GREM2: variants seen among roughly 807,000 people sequenced by gnomAD.
GREM2 encodes gremlin 2, DAN family BMP antagonist, also known as gremlin-2.
A neutral mutation model predicts 14.2 loss-of-function variants in GREM2; 11 were observed. The ratio of observed to expected loss-of-function variants is 0.78; its 90% CI spans 0.49 to 1.28. The LOEUF is 1.28. Ranked by LOEUF, GREM2 falls within the 50% of genes most tolerant of loss-of-function variation. GREM2 has a pLI of 0.00. For missense variants in GREM2, 210 were observed against 218.5 expected, an observed-to-expected ratio of 0.96 and a Z score of 0.24; for synonymous variants, 98 against 97.6, an observed-to-expected ratio of 1.00 and a Z score of -0.02.
intron 1 of GREM2, among the ~76,000 whole-genome samples, chr1:240,505,181 A>G (rs1171177510): frequency 3.3e-5 from 5 of 152,142 alleles, no homozygotes; most frequent in Non-Finnish European, 7.3e-5. Context: ...AACTTCCGCC[A>G]TGACTGTAAG....
At chr1:240,547,532 T>TATATATATATAGACAG (rs1187770486) in intron 1 of GREM2, among the ~76,000 whole-genome samples, 2 of 121,874 alleles carry the variant, frequency 1.6e-5, no homozygotes, top group African/African-American at 3.7e-5. Flanking sequence ...TATATATATA[T>TATATATATATAGACAG]ATAGATAGAT....
chr1:240,496,099 G>A (rs1046062129), intron 1 of GREM2, among the ~76,000 whole-genome samples: 9 of 152,014 alleles, frequency 5.9e-5, no homozygotes, highest in African/African-American at 1.9e-4. Flanking sequence ...ACCAGGCCCA[G>A]CTAATTTTTG....
intron 1 of GREM2, among the ~76,000 whole-genome samples, chr1:240,502,225 C>G (rs999292436): frequency 2.0e-5 from 3 of 152,126 alleles, no homozygotes; most frequent in Admixed American, 2.0e-4. Context: ...CCATGCAACC[C>G]ACCAACTTTT....
chr1:240,528,645 G>A (rs977214469), intron 1 of GREM2, among the ~76,000 whole-genome samples: 19 of 152,098 alleles, frequency 1.2e-4, no homozygotes, highest in Non-Finnish European at 2.1e-4. Context: ...ACTGTGCTCG[G>A]TGAGTGGCTG....
intron 1 of GREM2, among the ~76,000 whole-genome samples, chr1:240,554,561 G>A (rs973531875): frequency 6.6e-6 from 1 of 152,100 alleles, no homozygotes; most frequent in East Asian, 1.9e-4. Context: ...AGTAAGCAAT[G>A]TTTTTTCATA....
intron 1 of GREM2, among the ~76,000 whole-genome samples, chr1:240,607,732 T>C (rs1680056737): frequency 6.6e-6 from 1 of 152,244 alleles, no homozygotes; most frequent in Admixed American, 6.5e-5. Context: ...AAACATCTGA[T>C]CAAATCCACT....
Position 240,543,271 on chromosome 1 carries a change from T to G in GREM2, c.-1-49795A>C, listed in dbSNP as rs1231071628. Among the ~76,000 whole-genome samples, 1 of 152,204 alleles carries G rather than the reference T, an allele frequency of 6.6e-6. No individual in the cohort carries two copies. Among genetic ancestry groups the G allele is most frequent in the Non-Finnish European group, 1.5e-5 (1 of 68,044 alleles). ...GTAATCTATTAGTCTGTCGTCATGC[T>G]GCTAATAAAAAGACATACCTGAAAC... On this transcript the variant is annotated intron_variant, in intron 1 of 1. Coordinates refer to ENST00000318160, the MANE Select transcript of GREM2 (RefSeq NM_022469.4). The surrounding 1 kb of genome is among the most constrained non-coding windows in gnomAD (Gnocchi z 6.4).
chr1:240,563,196 T>G, intron 1 of GREM2, among the ~76,000 whole-genome samples: 1 of 150,264 alleles, frequency 6.7e-6, no homozygotes, highest in South Asian at 2.1e-4. Context: ...CGTGTGTGAG[T>G]GTGTGTAAGT....
At chr1:240,512,927 A>C (rs969508696) in intron 1 of GREM2, among the ~76,000 whole-genome samples, 11 of 152,168 alleles carry the variant, frequency 7.2e-5, no homozygotes, top group Non-Finnish European at 1.3e-4. Context: ...CTCAACACAT[A>C]CTTATTGTGA....
intron 1 of GREM2, among the ~76,000 whole-genome samples, chr1:240,547,530 T>TAGAC (rs1261827538): frequency 5.1e-5 from 7 of 137,272 alleles, no homozygotes; most frequent in East Asian, 4.2e-4. Context: ...TATATATATA[T>TAGAC]ATATAGATAG....
chr1:240,501,237 T>C (rs1453769926), intron 1 of GREM2, among the ~76,000 whole-genome samples: 1 of 152,156 alleles, frequency 6.6e-6, no homozygotes, highest in Non-Finnish European at 1.5e-5. Flanking sequence ...ATGGAAATAA[T>C]AGGAAGTGAC....
intron 1 of GREM2, among the ~76,000 whole-genome samples, chr1:240,524,505 AG>A (rs1678179302): frequency 6.6e-6 from 1 of 152,252 alleles, no homozygotes; most frequent in Non-Finnish European, 1.5e-5. Flanking sequence ...GCAGAATTAT[AG>A]ATTTTACAAT....
At chr1:240,562,416 A>C (rs573562341) in intron 1 of GREM2, among the ~76,000 whole-genome samples, 1 of 152,314 alleles carries the variant, frequency 6.6e-6, no homozygotes, top group African/African-American at 2.4e-5. Context: ...CTTTACTAGC[A>C]GTCCCGCCTC....
chr1:240,538,303 C>T (rs903538854), intron 1 of GREM2, among the ~76,000 whole-genome samples: 1 of 152,164 alleles, frequency 6.6e-6, no homozygotes, highest in Non-Finnish European at 1.5e-5. Flanking sequence ...TGATTGATTG[C>T]TTCTCTAACA....
At chr1:240,514,878 C>T (rs1677918830) in intron 1 of GREM2, among the ~76,000 whole-genome samples, 1 of 152,158 alleles carries the variant, frequency 6.6e-6, no homozygotes, top group East Asian at 1.9e-4. Flanking sequence ...GCCTCTGTGC[C>T]CCTGCACTCC....
At chr1:240,535,306 G>A (rs1258667896) in intron 1 of GREM2, among the ~76,000 whole-genome samples, 1 of 152,124 alleles carries the variant, frequency 6.6e-6, no homozygotes, top group Non-Finnish European at 1.5e-5. Flanking sequence ...CCATAGTTGT[G>A]TTGTTAGTAA....
chr1:240,528,355 C>T (rs1409235712), intron 1 of GREM2, among the ~76,000 whole-genome samples: 2 of 152,082 alleles, frequency 1.3e-5, no homozygotes, highest in African/African-American at 2.4e-5. Flanking sequence ...ATGTGAATTT[C>T]ATGAAGCAGA....
intron 1 of GREM2, among the ~76,000 whole-genome samples, chr1:240,578,423 G>A (rs1177991018): frequency 6.6e-6 from 1 of 152,032 alleles, no homozygotes; most frequent in East Asian, 1.9e-4. Flanking sequence ...ACTGCGCCAA[G>A]CCACAGCTTA....
intron 1 of GREM2, among the ~76,000 whole-genome samples, chr1:240,596,922 G>A (rs1242652900): frequency 6.6e-6 from 1 of 152,186 alleles, no homozygotes; most frequent in Admixed American, 6.5e-5. Context: ...CCTTTTGATA[G>A]TCACTTTCTC....
Sources: allele counts gnomAD v4.1 joint callset (sites outside exome capture counted in the v4.1 genomes callset), GRCh38; gene constraint gnomAD v4.1.1; non-coding constraint Gnocchi (gnomAD v3.1); transcripts MANE v1.5; gene names NCBI Gene and HGNC (gene_info 2026-07-23, HGNC 2026-07-21).